FAM186B: variants seen among roughly 807,000 people sequenced by gnomAD.
FAM186B encodes the protein protein FAM186B.
In FAM186B, 68 loss-of-function variants were observed where a neutral mutation model predicts 83.4. That is an observed-to-expected ratio of 0.81 (90% CI 0.67 to 1.00). FAM186B has a LOEUF of 1.00. Ranked by LOEUF, FAM186B falls within the 50% of genes least tolerant of loss-of-function variation. The pLI is 0.00. For missense variants in FAM186B, 983 were observed against 1,099.2 expected, an observed-to-expected ratio of 0.89 and a Z score of 1.49; for synonymous variants, 389 against 422.0, an observed-to-expected ratio of 0.92 and a Z score of 0.96.
chr12:49,587,811 G>A (rs1939483658), intron 6 of FAM186B, 59 bp from the exon 7 acceptor site: 3 of 1,558,216 alleles, frequency 1.9e-6, no homozygotes, highest in Non-Finnish European at 2.6e-6. Flanking sequence ...AGATGCAAGA[G>A]ACTCTCCAGA....
rs199781088 is a variant in FAM186B, at chr12:49,587,606, T to G, written c.2681A>C (p.Ter894SerextTer14). The change falls in exon 7 of 7, where the codon TAG (stop) becomes TCG (serine). Residue 894 changes from the stop codon to serine, a stop_lost. Coordinates refer to ENST00000257894, the MANE Select transcript of FAM186B (RefSeq NM_032130.3). ...GTTCAGGCTTTTGTGGCAGGAGGAC[T>G]ACACGTCCAGTGTCAACAGCCGGGG... ...DIPRLLTLDV[*>S] 6.2e-7 allele frequency: 1 copy of G among 1,613,426 alleles called. No individual in the cohort carries two copies. The highest frequency in any genetic ancestry group is 1.3e-5 in the African/African-American group (1 of 74,998).
At chr12:49,599,107 T>G (rs1592551989) in intron 4 of FAM186B, among the ~76,000 whole-genome samples, 160 bp from the exon 5 acceptor site, 1 of 147,604 alleles carries the variant, frequency 6.8e-6, no homozygotes, top group Non-Finnish European at 1.5e-5. Flanking sequence ...AAGTGGGAGG[T>G]GGTATGAAGT....
intron 5 of FAM186B, chr12:49,594,058 G>GAA (rs1462354004): frequency 1.6e-5 from 3 of 189,534 alleles, no homozygotes; most frequent in African/African-American, 7.1e-5. Flanking sequence ...GCCAAAACTA[G>GAA]AAAGACACTC....
chr12:49,621,378 A>T, the FAM186B span, among the ~76,000 whole-genome samples: 1 of 152,182 alleles, frequency 6.6e-6, no homozygotes. Flanking sequence ...TCTCAAAACA[A>T]AACAACAACA....
At chr12:49,622,280 CA>C in the FAM186B span, among the ~76,000 whole-genome samples, 1 of 151,860 alleles carries the variant, frequency 6.6e-6, no homozygotes, top group Non-Finnish European at 1.5e-5. Flanking sequence ...CTCCTCACCC[CA>C]CCTCCCCCAA....
chr12:49,606,496 C>T (rs571377188), upstream of FAM186B, among the ~76,000 whole-genome samples: 184 of 146,416 alleles, frequency 1.3e-3, no homozygotes, highest in South Asian at 8.9e-3. Flanking sequence ...GACACACACA[C>T]ACACACACAC....
At chr12:49,598,689 C>G in intron 5 of FAM186B, 66 bp downstream of exon 5, 1 of 1,465,608 alleles carries the variant, frequency 6.8e-7, no homozygotes, top group East Asian at 2.3e-5. Flanking sequence ...ATTTCAGGCC[C>G]CAAGCCGACT....
chr12:49,599,534 C>A lies in FAM186B; in HGVS notation c.2106G>T (p.Leu702=). The change falls in exon 4 of 7, where the codon CTG becomes CTT. Residue 702 remains leucine (L), a synonymous_variant. Transcript: ENST00000257894. ...ALELTTTTME[L]GALRLQYLCH... is the part of the protein sequence containing the mutation. ...ACAGGTACTGCAGCCTGAGCGCGCC[C>A]AGCTCCATGGTGGTGGTGGTGAGCT... is the stretch of plus-strand genomic sequence containing the variant. 6.2e-7 allele frequency: 1 copy of A among 1,603,968 alleles called. No individual in the cohort carries two copies. The highest frequency in any genetic ancestry group is 8.5e-7 in the Non-Finnish European group (1 of 1,175,930).
chr12:49,609,742 C>T (rs1940064881), upstream of FAM186B, among the ~76,000 whole-genome samples: 1 of 152,208 alleles, frequency 6.6e-6, no homozygotes, highest in East Asian at 1.9e-4. Flanking sequence ...AGCAACACCT[C>T]TGGGCACTGG....
At chr12:49,613,580 C>G in the FAM186B span, among the ~76,000 whole-genome samples, 36 of 151,594 alleles carry the variant, frequency 2.4e-4, no homozygotes, top group African/African-American at 8.5e-4. Context: ...TGACTCATGC[C>G]TGTAATCCCA....
upstream of FAM186B, among the ~76,000 whole-genome samples, chr12:49,609,149 G>A (rs1016093364): frequency 7.2e-5 from 11 of 152,170 alleles, no homozygotes; most frequent in African/African-American, 2.4e-4. Flanking sequence ...GAAAGGGACT[G>A]CTACAGCTGT....
chr12:49,599,395 C>G, intron 4 of FAM186B, 74 bp downstream of exon 4: 1 of 1,467,308 alleles, frequency 6.8e-7, no homozygotes, highest in Non-Finnish European at 9.0e-7. Context: ...TGTGTTCCTT[C>G]TCTCCCACTG....
chr12:49,594,781 A>G (rs1348715526), intron 5 of FAM186B, among the ~76,000 whole-genome samples: 3 of 152,200 alleles, frequency 2.0e-5, no homozygotes, highest in Non-Finnish European at 2.9e-5. Context: ...AGGCTGAGGC[A>G]AGAGAATCGC....
At chr12:49,606,801 C>G (rs1253766928), upstream of FAM186B, among the ~76,000 whole-genome samples, 3 of 152,156 alleles carry the variant, frequency 2.0e-5, no homozygotes, top group African/African-American at 7.2e-5. Flanking sequence ...TCATAGAACA[C>G]TTCACCCAAC....
chr12:49,584,973 T>C (rs552784655), downstream of FAM186B, among the ~76,000 whole-genome samples: 3 of 152,106 alleles, frequency 2.0e-5, no homozygotes, highest in African/African-American at 7.2e-5. Context: ...TGTGAGTCTG[T>C]TCATGTGCAT....
chr12:49,587,429 C>A (rs890137818), downstream of FAM186B: 6 of 824,122 alleles, frequency 7.3e-6, no homozygotes, highest in South Asian at 1.0e-4. Flanking sequence ...GCATGGGGAC[C>A]CCGCTTACAG....
At position 49,601,096 on chromosome 12, in the gene FAM186B, T is replaced by C. The variant is rs750874592; in HGVS notation, c.544A>G (p.Ser182Gly). ...GGATGGGATGGAGATGTCTGTGGGC[T>C]TCTTCCCTGCCAGCCCTGCCAGAAG... ...RTFWQGWQGR[S>G]PQTSPSHPQP... Residue 182 changes from serine (S) to glycine (G), a missense_variant, in exon 4 of 7, where the codon AGC becomes GGC. Transcript: ENST00000257894. The C allele has an allele frequency of 1.9e-6, 3 of 1,587,174 alleles. No individual in the cohort carries two copies. In the African/African-American group the frequency reaches 4.1e-5, roughly 21 times the overall value.
chr12:49,603,518 CT>C (rs1939944634), intron 2 of FAM186B, 151 bp from the exon 3 acceptor site: 4 of 709,714 alleles, frequency 5.6e-6, no homozygotes, highest in East Asian at 5.4e-5. Flanking sequence ...ACTTATCCCC[CT>C]GAGCCTCAGT....
At chr12:49,606,943 A>G (rs556584239), upstream of FAM186B, among the ~76,000 whole-genome samples, 24 of 152,392 alleles carry the variant, frequency 1.6e-4, 1 homozygote, top group South Asian at 1.0e-3. Flanking sequence ...CCACTATGGT[A>G]TTAAACTATA....
Sources: allele counts gnomAD v4.1 joint callset (sites outside exome capture counted in the v4.1 genomes callset), GRCh38; gene constraint gnomAD v4.1.1; transcripts MANE v1.5; gene names NCBI Gene and HGNC (gene_info 2026-07-23, HGNC 2026-07-21).